The following LRMDA variants were observed in gnomAD, a reference collection of about 807,000 sequenced individuals.
LRMDA encodes the protein leucine-rich melanocyte differentiation-associated protein.
LRMDA carries 18 observed loss-of-function variants against 29.8 expected under a neutral mutation model. The observed-to-expected ratio is 0.60, with a 90% confidence interval of 0.42 to 0.90. The LOEUF is 0.90. LRMDA is among the 40% of genes least tolerant of loss of function. LRMDA has a pLI of 0.00. For missense variants in LRMDA, 273 were observed against 273.9 expected, an observed-to-expected ratio of 1.00 and a Z score of 0.02; for synonymous variants, 125 against 109.4, an observed-to-expected ratio of 1.14 and a Z score of -0.89.
chr10:76,555,450 A>T (rs1172536571), intron 6 of LRMDA, among the ~76,000 whole-genome samples: 1 of 152,158 alleles, frequency 6.6e-6, no homozygotes, highest in Admixed American at 6.5e-5. Context: ...GGAACATGGC[A>T]GGAAGTAAAA....
intron 6 of LRMDA, among the ~76,000 whole-genome samples, chr10:76,387,519 A>G (rs1175829177): frequency 6.6e-6 from 1 of 151,876 alleles, no homozygotes; most frequent in South Asian, 2.1e-4. Context: ...AGGAGGCTAG[A>G]TTGAGACCAG....
chr10:75,825,306 G>A (rs1388968132), intron 2 of LRMDA, among the ~76,000 whole-genome samples: 1 of 152,178 alleles, frequency 6.6e-6, no homozygotes, highest in Admixed American at 6.5e-5. Context: ...TTTGGGTGGT[G>A]TTAATTCCTG....
At chr10:75,532,602 G>A (rs1845490660) in intron 2 of LRMDA, among the ~76,000 whole-genome samples, 1 of 152,096 alleles carries the variant, frequency 6.6e-6, no homozygotes, top group Non-Finnish European at 1.5e-5. Context: ...AATCTTTCTA[G>A]CTAACTTTGT....
intron 6 of LRMDA, among the ~76,000 whole-genome samples, chr10:76,347,271 G>T (rs571404892): frequency 5.3e-5 from 8 of 152,160 alleles, no homozygotes; most frequent in Non-Finnish European, 1.2e-4. Context: ...TAAAAATATT[G>T]CTTAAATACA....
chr10:76,026,841 A>T (rs1016800196), intron 2 of LRMDA, among the ~76,000 whole-genome samples: 1 of 152,226 alleles, frequency 6.6e-6, no homozygotes, highest in Non-Finnish European at 1.5e-5. Context: ...TCTGATCTCT[A>T]TGAAGAAATT....
intron 6 of LRMDA, among the ~76,000 whole-genome samples, chr10:76,345,413 T>TA (rs2132425252): frequency 6.7e-6 from 1 of 149,638 alleles, no homozygotes; most frequent in East Asian, 1.9e-4. Context: ...ATATTGAACT[T>TA]AAAAAATTAT....
At chr10:76,295,521 G>A (rs1019943655) in intron 5 of LRMDA, among the ~76,000 whole-genome samples, 1 of 152,214 alleles carries the variant, frequency 6.6e-6, no homozygotes, top group Non-Finnish European at 1.5e-5. Context: ...CACAGTTTGA[G>A]TTTCTAAAAG....
chr10:76,093,328 T>C (rs1391159624), intron 5 of LRMDA, among the ~76,000 whole-genome samples: 1 of 151,488 alleles, frequency 6.6e-6, no homozygotes, highest in East Asian at 2.0e-4. Context: ...CCCAGCCAAA[T>C]TGGAGAGTTA....
At chr10:75,720,693 G>T (rs912521455) in intron 2 of LRMDA, among the ~76,000 whole-genome samples, 1 of 152,174 alleles carries the variant, frequency 6.6e-6, no homozygotes, top group Non-Finnish European at 1.5e-5. Context: ...TGTGGATTCA[G>T]AACTCTGTCT....
intron 6 of LRMDA, among the ~76,000 whole-genome samples, chr10:76,347,070 G>C (rs1255057113): frequency 1.3e-5 from 2 of 152,126 alleles, no homozygotes; most frequent in African/African-American, 4.8e-5. Context: ...GAGTAATACT[G>C]CATCGACAGA....
intron 2 of LRMDA, among the ~76,000 whole-genome samples, chr10:75,531,262 C>T (rs1655876290): frequency 6.6e-6 from 1 of 152,128 alleles, no homozygotes; most frequent in African/African-American, 2.4e-5. Flanking sequence ...GGGTGGTTAA[C>T]ACAGTCAGGT....
intron 5 of LRMDA, among the ~76,000 whole-genome samples, chr10:76,104,589 G>A (rs1421762133): frequency 6.6e-6 from 1 of 151,998 alleles, no homozygotes; most frequent in Non-Finnish European, 1.5e-5. Context: ...CTTGGCCACG[G>A]CTATCTGCTC....
At chr10:75,724,481 G>A (rs369426660) in intron 2 of LRMDA, among the ~76,000 whole-genome samples, 2 of 152,110 alleles carry the variant, frequency 1.3e-5, no homozygotes, top group East Asian at 3.8e-4. Flanking sequence ...TCTGAGGTAT[G>A]GGAAGAGACA....
chr10:75,701,076 T>A (rs1842303015), intron 2 of LRMDA, among the ~76,000 whole-genome samples: 1 of 152,066 alleles, frequency 6.6e-6, no homozygotes, highest in African/African-American at 2.4e-5. Context: ...CTGCATTGAG[T>A]GTGACTGTGC....
At chr10:75,500,151 C>G (rs1230419001) in intron 2 of LRMDA, among the ~76,000 whole-genome samples, 3 of 152,120 alleles carry the variant, frequency 2.0e-5, no homozygotes, top group African/African-American at 7.2e-5. Context: ...GGGCTGGAGA[C>G]CATCCTGATT....
At chr10:75,573,714 A>G (rs898037163) in intron 2 of LRMDA, among the ~76,000 whole-genome samples, 2 of 152,136 alleles carry the variant, frequency 1.3e-5, no homozygotes, top group African/African-American at 4.8e-5. Flanking sequence ...AAAAAATAAC[A>G]TTCAGTTCTA....
intron 1 of LRMDA, among the ~76,000 whole-genome samples, chr10:75,432,010 A>T (rs974944301): frequency 6.6e-6 from 1 of 152,130 alleles, no homozygotes; most frequent in Non-Finnish European, 1.5e-5. Context: ...TTCTGCCCTT[A>T]GCGCCTCACT....
chr10:76,205,783 A>C (rs1043144431), intron 5 of LRMDA, among the ~76,000 whole-genome samples: 1 of 151,916 alleles, frequency 6.6e-6, no homozygotes, highest in Non-Finnish European at 1.5e-5. Flanking sequence ...CAGTGTAGAG[A>C]TGCTGGGCCT....
At chr10:75,503,629 T>A (rs1394411785) in intron 2 of LRMDA, among the ~76,000 whole-genome samples, 1 of 152,178 alleles carries the variant, frequency 6.6e-6, no homozygotes. Context: ...TAGAATCAGT[T>A]TGTTAGAGCA....
Sources: allele counts gnomAD v4.1 joint callset (sites outside exome capture counted in the v4.1 genomes callset), GRCh38; gene constraint gnomAD v4.1.1; transcripts MANE v1.5; gene names NCBI Gene and HGNC (gene_info 2026-07-23, HGNC 2026-07-21).